EPHA5: variants seen among roughly 807,000 people sequenced by gnomAD.
EPHA5 encodes EPH receptor A5.
Under a neutral mutation model 105.0 loss-of-function variants are expected in EPHA5, and 60 were observed. That is an observed-to-expected ratio of 0.57 (90% CI 0.46 to 0.71). The LOEUF is 0.71. Among genes scored for constraint, EPHA5 ranks in the 30% least tolerant of loss-of-function variants. The probability of loss-of-function intolerance (pLI) is 0.00; values close to 1 mark genes in which losing one functional copy is unlikely to be tolerated. For synonymous variants in EPHA5, 513 were observed against 449.1 expected (o/e 1.14, Z -1.80); for missense variants, 1,218 against 1,274.7 (o/e 0.96, Z 0.68).
intron 5 of EPHA5, among the ~76,000 whole-genome samples, chr4:65,440,271 G>A (rs1044415651): frequency 6.6e-6 from 1 of 151,752 alleles, no homozygotes; most frequent in Non-Finnish European, 1.5e-5. Context: ...GGTATTCTCG[G>A]CTTTTATGAA....
At chr4:65,464,204 T>C (rs910279248) in intron 5 of EPHA5, among the ~76,000 whole-genome samples, 2 of 151,944 alleles carry the variant, frequency 1.3e-5, no homozygotes, top group African/African-American at 2.4e-5. Context: ...CAAATTTGAA[T>C]TGACCCTCAA....
At chr4:65,343,110 A>G (rs1721889854) in intron 14 of EPHA5, among the ~76,000 whole-genome samples, 2 of 152,202 alleles carry the variant, frequency 1.3e-5, no homozygotes, top group Admixed American at 6.5e-5. Context: ...CAATAAATAT[A>G]AGAGAAAGAC....
chr4:65,641,089 T>C (rs1747623170), intron 2 of EPHA5, among the ~76,000 whole-genome samples: 1 of 152,158 alleles, frequency 6.6e-6, no homozygotes, highest in Non-Finnish European at 1.5e-5. Context: ...AATGTAGTCT[T>C]CTAGAGAGTT....
intron 8 of EPHA5, among the ~76,000 whole-genome samples, chr4:65,378,790 C>CTTTCT (rs1179511857): frequency 6.7e-6 from 1 of 148,250 alleles, no homozygotes; most frequent in African/African-American, 2.5e-5. Context: ...TTCTTTCTTT[C>CTTTCT]TTTTTTATTT....
intron 5 of EPHA5, among the ~76,000 whole-genome samples, chr4:65,469,312 G>A (rs1178364260): frequency 3.3e-5 from 5 of 151,994 alleles, no homozygotes; most frequent in South Asian, 2.1e-4. Context: ...TATGCTACTC[G>A]CAGCTTCTAG....
chr4:65,327,614 G>A (rs17086065), intron 16 of EPHA5, among the ~76,000 whole-genome samples: 19 of 151,102 alleles, frequency 1.3e-4, no homozygotes, highest in African/African-American at 3.9e-4. Flanking sequence ...TGCATGCAAC[G>A]TACATGTACC....
intron 3 of EPHA5, among the ~76,000 whole-genome samples, chr4:65,528,268 T>C (rs111482542): frequency 1.6e-4 from 24 of 152,186 alleles, no homozygotes; most frequent in African/African-American, 5.1e-4. Context: ...ACAGAAGAAA[T>C]GAGCACCTTC....
At chr4:65,339,776 G>T (rs1008139494) in intron 14 of EPHA5, among the ~76,000 whole-genome samples, 12 of 152,042 alleles carry the variant, frequency 7.9e-5, no homozygotes, top group Non-Finnish European at 2.9e-5. Context: ...CCCTTTGCAG[G>T]ACACACTCAC....
At chr4:65,372,120 G>A (rs1340288216) in intron 8 of EPHA5, among the ~76,000 whole-genome samples, 1 of 151,820 alleles carries the variant, frequency 6.6e-6, no homozygotes, top group Non-Finnish European at 1.5e-5. Context: ...GACATAACAA[G>A]GACCTCAACC....
intron 8 of EPHA5, among the ~76,000 whole-genome samples, chr4:65,379,249 T>C (rs998112843): frequency 1.4e-5 from 2 of 145,336 alleles, no homozygotes; most frequent in African/African-American, 5.0e-5. Context: ...AAAAATAAGC[T>C]TTGTGTCTTA....
intron 8 of EPHA5, among the ~76,000 whole-genome samples, chr4:65,375,684 C>A (rs1718925208): frequency 6.6e-6 from 1 of 151,792 alleles, no homozygotes; most frequent in Non-Finnish European, 1.5e-5. Context: ...TATTCTGCTT[C>A]AGAGATAATT....
At chr4:65,359,210 A>G (rs553556038) in intron 11 of EPHA5, among the ~76,000 whole-genome samples, 3 of 151,654 alleles carry the variant, frequency 2.0e-5, no homozygotes, top group South Asian at 4.1e-4. Flanking sequence ...GTGTACGTGT[A>G]TTTATTAAAA....
At chr4:65,335,749 T>G (rs922983308) in intron 15 of EPHA5, among the ~76,000 whole-genome samples, 183 bp downstream of exon 15, 1 of 152,044 alleles carries the variant, frequency 6.6e-6, no homozygotes, top group Non-Finnish European at 1.5e-5. Flanking sequence ...ATTTTAAGTA[T>G]CATTTAGTCA....
chr4:65,388,563 G>A (rs1471066815), intron 8 of EPHA5, among the ~76,000 whole-genome samples: 1 of 151,846 alleles, frequency 6.6e-6, no homozygotes, highest in Non-Finnish European at 1.5e-5. Flanking sequence ...TTTCTCTGAT[G>A]GCCAGTGATG....
chr4:65,542,029 T>C (rs1028508304), intron 3 of EPHA5, among the ~76,000 whole-genome samples: 5 of 151,958 alleles, frequency 3.3e-5, no homozygotes, highest in African/African-American at 1.2e-4. Flanking sequence ...AATCAAGAAG[T>C]TCTTTGAAAC....
At chr4:65,578,129 C>T (rs1002140769) in intron 3 of EPHA5, among the ~76,000 whole-genome samples, 1 of 152,024 alleles carries the variant, frequency 6.6e-6, no homozygotes, top group African/African-American at 2.4e-5. Context: ...ATCCAAACAC[C>T]ACACCCTCTC....
At chr4:65,325,672 TTAA>T (rs1484502479) in intron 16 of EPHA5, among the ~76,000 whole-genome samples, 1 of 151,292 alleles carries the variant, frequency 6.6e-6, no homozygotes, top group Non-Finnish European at 1.5e-5. Context: ...ATCATTATTA[TTAA>T]TAATGGAATA....
intron 8 of EPHA5, among the ~76,000 whole-genome samples, chr4:65,377,752 A>T (rs2148922053): frequency 6.6e-6 from 1 of 152,140 alleles, no homozygotes; most frequent in East Asian, 1.9e-4. Flanking sequence ...CCACATATTC[A>T]TAGTAATAAA....
intron 8 of EPHA5, among the ~76,000 whole-genome samples, chr4:65,389,468 C>G (rs533504967): frequency 6.6e-6 from 1 of 151,902 alleles, no homozygotes; most frequent in Non-Finnish European, 1.5e-5. Context: ...TATTTTGAAA[C>G]AGGTTTCTCT....
Sources: allele counts gnomAD v4.1 joint callset (sites outside exome capture counted in the v4.1 genomes callset), GRCh38; gene constraint gnomAD v4.1.1; transcripts MANE v1.5; gene names NCBI Gene and HGNC (gene_info 2026-07-23, HGNC 2026-07-21).